ZC3H7A: variants seen among roughly 807,000 people sequenced by gnomAD.
The protein encoded by ZC3H7A is zinc finger CCCH domain-containing protein 7A.
ZC3H7A carries 44 observed loss-of-function variants against 125.5 expected under a neutral mutation model. The ratio of observed to expected loss-of-function variants is 0.35; its 90% CI spans 0.28 to 0.45. The LOEUF is 0.45. Ranked by LOEUF, ZC3H7A falls within the 20% of genes least tolerant of loss-of-function variation. ZC3H7A has a pLI of 1.00. For missense variants in ZC3H7A, 977 were observed against 1,170.7 expected, an observed-to-expected ratio of 0.83 and a Z score of 2.41; for synonymous variants, 399 against 391.2, an observed-to-expected ratio of 1.02 and a Z score of -0.23.
Position 11,758,463 on chromosome 16 carries a change from CTT to C in ZC3H7A, c.2394_2395del (p.Glu800SerfsTer27). 1 of 1,613,878 alleles carries C rather than the reference CTT, an allele frequency of 6.2e-7. No individual in the cohort carries two copies. Among genetic ancestry groups the C allele is most frequent in the Non-Finnish European group, 8.5e-7 (1 of 1,179,772 alleles). On this transcript the variant is annotated frameshift_variant, in exon 20 of 23. Coordinates refer to ENST00000355758, the MANE Select transcript of ZC3H7A (RefSeq NM_014153.4). LOFTEE classifies it high-confidence loss of function. ...CTCCTTCATGTAAGTCCAAACTTCTCTTTCCTCAGGACTATGAGCAAAGGAAC... is the reference window on the plus strand; with the variant it reads ...CTCCTTCATGTAAGTCCAAACTTCTCTCCTCAGGACTATGAGCAAAGGAAC...
rs776411956 is a variant in ZC3H7A, at chr16:11,763,513, A to G, written c.1967T>C (p.Val656Ala). ...EDECFYAHSL[V>A]ELKVWIMQNE... is the part of the protein sequence containing the mutation. The stretch of plus-strand genomic sequence containing the variant: ...TTGCATTATCCAGACTTTCAGTTCC[A>G]CAAGACTATGGGCATAAAAGCACTC... The change falls in exon 16 of 23, where the codon GTG (valine) becomes GCG (alanine). Residue 656 changes from valine (V) to alanine (A), a missense_variant. Physicochemically the swap from Val to Ala is moderately conservative, Grantham distance 64. Around this residue, in one of 3 missense-constraint regions of ZC3H7A, gnomAD observed 436 missense variants for 603.2 expected, o/e 0.72. Coordinates refer to ENST00000355758, the MANE Select transcript of ZC3H7A (RefSeq NM_014153.4). 1.2e-6 allele frequency: 2 copies of G among 1,607,834 alleles called. No homozygotes were observed. Among genetic ancestry groups the G allele is most frequent in the South Asian group, 1.1e-5 (1 of 90,022 alleles).
rs144248837 is a variant in ZC3H7A at position 11,762,116 on chromosome 16, A to C, written c.2080-73T>G. The C allele has an allele frequency of 7.0e-4, 1,000 of 1,429,884 alleles. 9 individuals carry two copies. The African/African-American group carries it at 0.012, about 17-fold the overall frequency. 88.6% of individuals were successfully genotyped at this position (1,429,884 alleles called of 1,614,324 possible). A position where few individuals can be genotyped will look rare whatever the true frequency, so the allele number is the denominator to read the frequency against. On this transcript the variant is annotated intron_variant, in intron 17 of 22. Transcript: ENST00000355758. The stretch of plus-strand genomic sequence containing the variant: ...TTTTCTGATGACAAAATACTAAATC[A>C]AGATGCATTTTTTTCACAATAGTAT...
chr16:11,781,245 A>G (rs776718907), intron 3 of ZC3H7A, among the ~76,000 whole-genome samples, 180 bp downstream of exon 3: 14 of 152,162 alleles, frequency 9.2e-5, no homozygotes, highest in Non-Finnish European at 1.9e-4. Flanking sequence ...ACATAAACAA[A>G]TGAGTGTGGC....
At chr16:11,758,361 G>T in intron 20 of ZC3H7A, 70 bp downstream of exon 20, 1 of 1,125,246 alleles carries the variant, frequency 8.9e-7, no homozygotes, top group Non-Finnish European at 1.3e-6. Context: ...CAGGAAGCTG[G>T]CATATTTATA....
chr16:11,781,370 T>C lies in ZC3H7A; in HGVS notation c.108+55A>G. The C allele has an allele frequency of 3.2e-6, 5 of 1,561,486 alleles. No individual in the cohort carries two copies. In the South Asian group the frequency reaches 4.8e-5, roughly 15 times the overall value. The stretch of plus-strand genomic sequence containing the variant: ...TCATTTGCCAACCCCTGCTACAAAT[T>C]ACAGTTCACAAGCCACTTGCAGAGC... On this transcript the variant is annotated intron_variant, in intron 3 of 22. Transcript: ENST00000355758.
chr16:11,759,470 C>T (rs1035158514), intron 19 of ZC3H7A: 1 of 152,192 alleles, frequency 6.6e-6, no homozygotes, highest in African/African-American at 2.4e-5. Context: ...TCAGTGACCC[C>T]ACCCTTAAAA....
chr16:11,756,037 C>T (rs2052641077), intron 21 of ZC3H7A, among the ~76,000 whole-genome samples, 200 bp downstream of exon 21: 1 of 152,100 alleles, frequency 6.6e-6, no homozygotes. Context: ...GTGGCGCGAG[C>T]CTATAATCCC....
intron 19 of ZC3H7A, 130 bp downstream of exon 19, chr16:11,761,276 A>T: frequency 3.5e-6 from 3 of 853,408 alleles, no homozygotes; most frequent in Non-Finnish European, 5.5e-6. Context: ...ACCAAAGAGG[A>T]ACCATTTAAA....
At chr16:11,760,741 C>G (rs752065260) in intron 19 of ZC3H7A, among the ~76,000 whole-genome samples, 31 of 152,196 alleles carry the variant, frequency 2.0e-4, no homozygotes, top group Non-Finnish European at 4.1e-4. Flanking sequence ...CAGACCCTCT[C>G]TCTCATGAAG....
At chr16:11,768,146 A>C (rs2052894197) in intron 12 of ZC3H7A, among the ~76,000 whole-genome samples, 169 bp downstream of exon 12, 1 of 152,214 alleles carries the variant, frequency 6.6e-6, no homozygotes, top group South Asian at 2.1e-4. Context: ...ATCCTATTAT[A>C]CTCCAAAGGC....
chr16:11,787,401 T>C (rs1282627884), intron 1 of ZC3H7A, among the ~76,000 whole-genome samples: 1 of 152,172 alleles, frequency 6.6e-6, no homozygotes, highest in Non-Finnish European at 1.5e-5. Context: ...TTCCTCACCA[T>C]TGATTAGTTT....
chr16:11,752,853 A>G lies in ZC3H7A; in HGVS notation c.2563-21T>C, dbSNP rs528053129. 4 of 1,606,728 alleles carry G rather than the reference A, an allele frequency of 2.5e-6. No individual in the cohort carries two copies. In the African/African-American group the frequency reaches 4.0e-5, roughly 16 times the overall value. Reference sequence around the variant, plus strand: ...TCCACCTAATGTGCAGCAAAGACACATGTCCCATTAGTCACCTGATGTGAG... The same window carrying G: ...TCCACCTAATGTGCAGCAAAGACACGTGTCCCATTAGTCACCTGATGTGAG... On this transcript the variant is annotated intron_variant, in intron 21 of 22. Transcript: ENST00000355758.
rs34038330 is a variant in ZC3H7A, at chr16:11,768,520, G to GAAAAAAAAAAAAAA, written c.1174-33_1174-20dup. 1 of 1,052,964 alleles carries GAAAAAAAAAAAAAA rather than the reference G, an allele frequency of 9.5e-7. No individual in the cohort carries two copies. Among genetic ancestry groups the GAAAAAAAAAAAAAA allele is most frequent in the Non-Finnish European group, 1.2e-6 (1 of 814,916 alleles). The allele number at this position is 1,052,964 out of a possible 1,614,324, so 65.2% of individuals were successfully genotyped here. ...CATTCATCTGCAAGAAAAATAAGAA[G>GAAAAAAAAAAAAAA]AAAAAAAAAAAAAACAGCCAACAAA... is the stretch of plus-strand genomic sequence containing the variant. On this transcript the variant is annotated intron_variant, in intron 11 of 22. Coordinates refer to ENST00000355758, the MANE Select transcript of ZC3H7A (RefSeq NM_014153.4).
intron 1 of ZC3H7A, among the ~76,000 whole-genome samples, chr16:11,790,534 C>T (rs781559088): frequency 9.9e-5 from 15 of 152,032 alleles, no homozygotes; most frequent in African/African-American, 3.4e-4. Flanking sequence ...GTGTTGTTGT[C>T]GTCGTCGTTA....
At chr16:11,753,877 T>G (rs888924364) in intron 21 of ZC3H7A, 1 of 152,256 alleles carries the variant, frequency 6.6e-6, no homozygotes, top group Non-Finnish European at 1.5e-5. Flanking sequence ...CTTGAACTCC[T>G]AACCTTAGGT....
At chr16:11,764,499 AG>A (rs924160181) in intron 15 of ZC3H7A, among the ~76,000 whole-genome samples, 3 of 152,166 alleles carry the variant, frequency 2.0e-5, no homozygotes, top group Non-Finnish European at 2.9e-5. Flanking sequence ...CAGTGAGCTG[AG>A]ATCGCGCCAC....
chr16:11,778,267 T>A (rs1420235457), intron 4 of ZC3H7A, among the ~76,000 whole-genome samples: 1 of 151,606 alleles, frequency 6.6e-6, no homozygotes, highest in African/African-American at 2.4e-5. Context: ...TGAAACCCCA[T>A]CTCTAACAAA....
At chr16:11,775,141 G>C in intron 7 of ZC3H7A, 128 bp from the exon 8 acceptor site, 1 of 907,134 alleles carries the variant, frequency 1.1e-6, no homozygotes, top group Non-Finnish European at 1.7e-6. Flanking sequence ...GGGAGGCCGA[G>C]ACAGGCAGAT....
intron 1 of ZC3H7A, among the ~76,000 whole-genome samples, chr16:11,794,181 C>A (rs1052230380): frequency 6.6e-6 from 1 of 152,144 alleles, no homozygotes; most frequent in Non-Finnish European, 1.5e-5. Context: ...TACCCAAGAC[C>A]GCCAGCCGAT....
Sources: gnomAD v4.1 joint callset for allele counts (sites outside exome capture counted in the v4.1 genomes callset) on GRCh38, gnomAD v4.1.1 for gene constraint, gnomAD v4.1.1 regional missense constraint, MANE v1.5 for transcripts, NCBI Gene and HGNC (gene_info 2026-07-23, HGNC 2026-07-21) for gene names.